CPS1: variants seen among roughly 807,000 people sequenced by gnomAD.
The protein encoded by CPS1 is carbamoyl-phosphate synthase [ammonia], mitochondrial.
CPS1 carries 109 observed loss-of-function variants against 174.6 expected under a neutral mutation model. The observed-to-expected ratio is 0.62, with a 90% CI of 0.53 to 0.73. The LOEUF (loss-of-function observed/expected upper bound fraction) is 0.73, where lower values mean the gene tolerates loss of function less well. CPS1 is among the 30% of genes least tolerant of loss of function. The probability of loss-of-function intolerance (pLI) is 0.00; values close to 1 mark genes in which losing one functional copy is unlikely to be tolerated. For synonymous variants in CPS1, 637 were observed against 632.0 expected (o/e 1.01, Z -0.12); for missense variants, 1,689 against 1,821.9 (o/e 0.93, Z 1.33).
At chr2:210,485,912 C>T (rs997185585) in intron 1 of CPS1, among the ~76,000 whole-genome samples, 8 of 152,002 alleles carry the variant, frequency 5.3e-5, no homozygotes, top group Non-Finnish European at 7.4e-5. Context: ...AGTTCCTCCA[C>T]GTACTTACTT....
At chr2:210,622,126 T>C (rs1369952597) in intron 21 of CPS1, among the ~76,000 whole-genome samples, 1 of 151,524 alleles carries the variant, frequency 6.6e-6, no homozygotes, top group East Asian at 1.9e-4. Context: ...CTTTTTACTT[T>C]AGTAAAAAGT....
chr2:210,575,881 T>G (rs1177268418), intron 2 of CPS1, among the ~76,000 whole-genome samples: 1 of 152,076 alleles, frequency 6.6e-6, no homozygotes, highest in Non-Finnish European at 1.5e-5. Context: ...CTCTTCAGTA[T>G]CCTAAAAAAT....
intron 1 of CPS1, among the ~76,000 whole-genome samples, chr2:210,545,237 T>C (rs1373506579): frequency 1.3e-5 from 2 of 152,122 alleles, no homozygotes; most frequent in African/African-American, 2.4e-5. Context: ...GTTTGTTTGC[T>C]TTGATTTTGA....
At chr2:210,529,686 GA>G (rs1484163146) in intron 1 of CPS1, among the ~76,000 whole-genome samples, 6 of 151,928 alleles carry the variant, frequency 3.9e-5, no homozygotes, top group Non-Finnish European at 8.8e-5. Flanking sequence ...AAGTAAGACA[GA>G]ATGTCTTACT....
At chr2:210,580,474 G>A (rs1474585890) in intron 5 of CPS1, among the ~76,000 whole-genome samples, 4 of 151,784 alleles carry the variant, frequency 2.6e-5, no homozygotes, top group Non-Finnish European at 5.9e-5. Context: ...GAAACATTAC[G>A]TCACTAACGT....
chr2:210,619,153 AAG>A (rs1354190044), intron 21 of CPS1: 1 of 152,120 alleles, frequency 6.6e-6, no homozygotes, highest in Admixed American at 6.5e-5. Flanking sequence ...CACTTGGGAA[AAG>A]AGAAGTAAAT....
intron 3 of CPS1, among the ~76,000 whole-genome samples, chr2:210,576,930 T>C (rs1003128953): frequency 6.6e-6 from 1 of 152,138 alleles, no homozygotes; most frequent in Non-Finnish European, 1.5e-5. Context: ...TTTTGGATAC[T>C]CTCTTAGGAA....
At position 210,600,637 on chromosome 2, in the gene CPS1, G is replaced by T. The variant is rs755530984; in HGVS notation, c.1632G>T (p.Thr544=). The T allele has an allele frequency of 4.3e-6, 7 of 1,612,204 alleles. No individual in the cohort carries two copies. In the East Asian group the frequency reaches 1.6e-4, roughly 36 times the overall value. ...LGTSVESIMA[T]EDRQLFSDKL... ...CTTCAGTTGAGTCCATTATGGCTAC[G>T]GAAGACAGGCAGCTGTTTTCAGATA... The change falls in exon 15 of 38, where the codon ACG becomes ACT. Residue 544 remains threonine (T), a synonymous_variant. Transcript: ENST00000233072.
intron 21 of CPS1, among the ~76,000 whole-genome samples, chr2:210,629,223 C>T (rs1699786584): frequency 6.6e-6 from 1 of 152,156 alleles, no homozygotes; most frequent in Non-Finnish European, 1.5e-5. Context: ...ATGTATTCAT[C>T]AGAAATAACA....
intron 1 of CPS1, among the ~76,000 whole-genome samples, chr2:210,500,190 G>T (rs953346729): frequency 6.6e-6 from 1 of 152,030 alleles, no homozygotes; most frequent in African/African-American, 2.4e-5. Flanking sequence ...TCCCGCCCTT[G>T]ACACCTGGGG....
chr2:210,507,464 A>G (rs1419360654), intron 1 of CPS1, among the ~76,000 whole-genome samples: 4 of 152,198 alleles, frequency 2.6e-5, no homozygotes, highest in Admixed American at 1.3e-4. Context: ...AAGAAAGTGC[A>G]TCAACTAACG....
chr2:210,566,945 C>T (rs1697324379), intron 1 of CPS1, among the ~76,000 whole-genome samples: 1 of 151,966 alleles, frequency 6.6e-6, no homozygotes, highest in Non-Finnish European at 1.5e-5. Context: ...AAGTAAGATA[C>T]CTTTCCCAGA....
intron 1 of CPS1, among the ~76,000 whole-genome samples, chr2:210,507,473 C>T (rs1211123806): frequency 3.9e-5 from 6 of 152,048 alleles, no homozygotes; most frequent in East Asian, 1.9e-4. Context: ...CATCAACTAA[C>T]GAGCAAAATA....
At chr2:210,548,140 G>A (rs1460563798) in intron 1 of CPS1, among the ~76,000 whole-genome samples, 2 of 151,890 alleles carry the variant, frequency 1.3e-5, no homozygotes, top group African/African-American at 4.8e-5. Context: ...ATATTTTTAT[G>A]CCATTCAGAG....
intron 31 of CPS1, among the ~76,000 whole-genome samples, chr2:210,660,098 G>A (rs1700868071): frequency 6.6e-6 from 1 of 152,110 alleles, no homozygotes; most frequent in South Asian, 2.1e-4. Flanking sequence ...GGCCAGGAGG[G>A]TAGTATAAGA....
intron 1 of CPS1, among the ~76,000 whole-genome samples, chr2:210,563,050 C>T (rs1697157081): frequency 3.3e-5 from 5 of 151,880 alleles, no homozygotes; most frequent in Admixed American, 2.6e-4. Context: ...TGTTTTTGTA[C>T]GTAAAACAAA....
Position 210,477,889 on chromosome 2 carries a change from C to T in CPS1, c.3+123C>T, listed in dbSNP as rs1375364570. 4 of 1,083,056 alleles carry T rather than the reference C, an allele frequency of 3.7e-6. No homozygotes were observed. In the African/African-American group the frequency reaches 6.2e-5, roughly 17 times the overall value. 67.1% of individuals were successfully genotyped at this position (1,083,056 alleles called of 1,614,324 possible). A position where few individuals can be genotyped will look rare whatever the true frequency, so the allele number is the denominator to read the frequency against. On this transcript the variant is annotated intron_variant, in intron 1 of 38. Coordinates refer to the CPS1 transcript ENST00000430249. ...TTATTTTTTCTTTAATGATTAAAGG[C>T]TATCCATTTATCCCACTCACAGTCT... is the stretch of plus-strand genomic sequence containing the variant.
In CPS1 at chr2:210,512,875, T is replaced by TAG. The variant is rs1559056031; in HGVS notation, c.3+35113_3+35114dup. Among the ~76,000 whole-genome samples, 115 of 72,582 alleles carry TAG rather than the reference T, an allele frequency of 1.6e-3. 20 individuals are homozygous for TAG. Among genetic ancestry groups the TAG allele is most frequent in the African/African-American group, 7.7e-3 (112 of 14,508 alleles). 47.6% of individuals were successfully genotyped at this position (72,582 alleles called of 152,430 possible). On this transcript the variant is annotated intron_variant, in intron 1 of 38. Coordinates refer to the CPS1 transcript ENST00000430249. Reference sequence around the variant, plus strand: ...ATATATATATATAGATATATATATATAGAGATATATATATGGAGATATATA... The same window carrying TAG: ...ATATATATATATAGATATATATATATAGAGAGATATATATATGGAGATATATA...
rs760541781 is a variant in CPS1, at chr2:210,556,804, C to T, written c.71C>T (p.Thr24Ile). The change falls in exon 1 of 38, where the codon ACT (threonine) becomes ATT (isoleucine). Residue 24 changes from threonine to isoleucine, a missense_variant. Thr to Ile is a moderately conservative substitution (Grantham distance 89). Coordinates refer to ENST00000233072, the MANE Select transcript of CPS1 (RefSeq NM_001875.5). ...LKTGFGFTNV[T>I]AHQKWKFSRP... is the part of the protein sequence containing the mutation. The stretch of plus-strand genomic sequence containing the variant: ...ACTGGTTTTGGCTTTACCAATGTGA[C>T]TGCACACCAAAAATGGAAATTTTCA... The T allele has an allele frequency of 1.5e-5, 25 of 1,613,060 alleles. No individual in the cohort carries two copies. The Middle Eastern group carries it at 4.9e-4, about 32-fold the overall frequency.
Sources: gnomAD v4.1 joint callset for allele counts (sites outside exome capture counted in the v4.1 genomes callset) on GRCh38, gnomAD v4.1.1 for gene constraint, MANE v1.5 for transcripts, NCBI Gene and HGNC (gene_info 2026-07-23, HGNC 2026-07-21) for gene names.